The following RAD54B variants were observed in gnomAD, a reference collection of about 807,000 sequenced individuals.
The protein encoded by RAD54B is RAD54 homolog B.
In RAD54B, 78 loss-of-function variants were observed where a neutral mutation model predicts 95.8. That is an observed-to-expected ratio of 0.81 (90% CI 0.68 to 0.98). The LOEUF is 0.98. Among genes scored for constraint, RAD54B ranks in the 50% least tolerant of loss-of-function variants. RAD54B has a pLI of 0.00. For synonymous variants in RAD54B, 328 were observed against 354.9 expected, an observed-to-expected ratio of 0.92 and a Z score of 0.85; for missense variants, 957 against 1,056.6, an observed-to-expected ratio of 0.91 and a Z score of 1.31.
intron 6 of RAD54B, among the ~76,000 whole-genome samples, chr8:94,400,907 G>C (rs1298421627): frequency 6.6e-6 from 1 of 151,968 alleles, no homozygotes; most frequent in African/African-American, 2.4e-5. Context: ...AGTAAATGAA[G>C]TCCTCAACAA....
chr8:94,436,721 C>G (rs1408950061), intron 3 of RAD54B: 7 of 1,550,558 alleles, frequency 4.5e-6, no homozygotes, highest in African/African-American at 1.4e-5. Context: ...TAGTTAACTG[C>G]TATGATATCC....
At chr8:94,468,000 C>T (rs1813071850) in intron 1 of RAD54B, 1 of 153,140 alleles carries the variant, frequency 6.5e-6, no homozygotes, top group South Asian at 2.0e-4. Context: ...ATTTCTTCTT[C>T]AGAGGCCTGG....
intron 8 of RAD54B, among the ~76,000 whole-genome samples, chr8:94,394,406 A>T (rs993693842): frequency 2.4e-5 from 3 of 125,160 alleles, no homozygotes; most frequent in African/African-American, 8.8e-5. Context: ...TTAAACTCAG[A>T]ATTTTTTTTT....
At chr8:94,431,847 G>T in intron 3 of RAD54B, 1 of 1,068,174 alleles carries the variant, frequency 9.4e-7, no homozygotes. Context: ...GTTTGTATAT[G>T]CATTTGTGTA....
chr8:94,446,197 T>G (rs1812515846), intron 3 of RAD54B, among the ~76,000 whole-genome samples: 1 of 152,168 alleles, frequency 6.6e-6, no homozygotes, highest in Non-Finnish European at 1.5e-5. Flanking sequence ...AGAATAATTG[T>G]GGGGTAGGGG....
At chr8:94,416,207 T>C (rs1428939899) in intron 3 of RAD54B, among the ~76,000 whole-genome samples, 3 of 151,620 alleles carry the variant, frequency 2.0e-5, no homozygotes, top group African/African-American at 7.3e-5. Flanking sequence ...TGAGTTCATG[T>C]CCTTTGTAGG....
chr8:94,395,422 A>C (rs1811119990), intron 8 of RAD54B, among the ~76,000 whole-genome samples: 1 of 152,186 alleles, frequency 6.6e-6, no homozygotes, highest in Non-Finnish European at 1.5e-5. Flanking sequence ...TGGTCCTGAA[A>C]TCACTCTAAG....
In RAD54B at chr8:94,391,809, T is replaced by TATTTATA; in HGVS notation, c.1602_1608dup (p.Lys537TyrfsTer3). On this transcript the variant is annotated frameshift_variant, in exon 10 of 15. Coordinates refer to ENST00000336148, the MANE Select transcript of RAD54B (RefSeq NM_012415.3). LOFTEE classifies it high-confidence loss of function. Reference sequence around the variant, plus strand: ...TTCTCTATTTTAGGTGGGAGATATTTATTTATAATTTCTTGGGTTCTTCTA... The same window carrying TATTTATA: ...TTCTCTATTTTAGGTGGGAGATATTTATTTATAATTTATAATTTCTTGGGTTCTTCTA... The TATTTATA allele has an allele frequency of 1.2e-6, 2 of 1,614,000 alleles. No individual in the cohort carries two copies. The highest frequency in any genetic ancestry group is 1.7e-6 in the Non-Finnish European group (2 of 1,179,920).
rs563443786 is a variant in RAD54B at position 94,439,202 on chromosome 8, A to G, written c.304+19066T>C. 1.3e-3 allele frequency among the ~76,000 whole-genome samples: 197 copies of G among 152,314 alleles called. 2 individuals are homozygous for G. The highest frequency in any genetic ancestry group is 4.2e-3 in the Admixed American group (64 of 15,298). On this transcript the variant is annotated intron_variant, in intron 3 of 14. Coordinates refer to ENST00000336148, the MANE Select transcript of RAD54B (RefSeq NM_012415.3). Reference sequence around the variant, plus strand: ...ATGACATTTTGGATGGTGATCTGGAAGTATCTACTAATATTTTACATGAGT... The same window carrying G: ...ATGACATTTTGGATGGTGATCTGGAGGTATCTACTAATATTTTACATGAGT...
At chr8:94,428,068 C>G in intron 3 of RAD54B, 1 of 950,198 alleles carries the variant, frequency 1.1e-6, no homozygotes, top group Non-Finnish European at 1.3e-6. Context: ...TAAATCACAG[C>G]TAGTTTAGAA....
intron 3 of RAD54B, among the ~76,000 whole-genome samples, chr8:94,448,044 T>C (rs1284775904): frequency 6.6e-6 from 1 of 152,252 alleles, no homozygotes; most frequent in Non-Finnish European, 1.5e-5. Flanking sequence ...TATTTTTTTC[T>C]TTCCCTTGTG....
intron 11 of RAD54B, among the ~76,000 whole-genome samples, chr8:94,386,411 A>G (rs1451169108): frequency 1.3e-5 from 2 of 152,200 alleles, no homozygotes; most frequent in Non-Finnish European, 2.9e-5. Flanking sequence ...GGACATCAAG[A>G]TAGATTTAGA....
chr8:94,378,540 C>G (rs371934028), intron 13 of RAD54B, 28 bp downstream of exon 13: 4 of 1,551,574 alleles, frequency 2.6e-6, no homozygotes, highest in Non-Finnish European at 2.6e-6. Context: ...AAAGAGTATA[C>G]ATTTTTGTCA....
At chr8:94,434,310 TA>T (rs1226948857) in intron 3 of RAD54B, among the ~76,000 whole-genome samples, 2 of 151,732 alleles carry the variant, frequency 1.3e-5, no homozygotes, top group Non-Finnish European at 3.0e-5. Context: ...CCATTTTAGC[TA>T]AAACATTACA....
intron 2 of RAD54B, among the ~76,000 whole-genome samples, chr8:94,462,387 T>C (rs994686340): frequency 3.3e-5 from 5 of 152,220 alleles, no homozygotes; most frequent in Middle Eastern, 3.2e-3. Context: ...CCATCATTAC[T>C]TCTACTTCTA....
chr8:94,434,847 T>G (rs1812211945), intron 3 of RAD54B, among the ~76,000 whole-genome samples: 1 of 151,508 alleles, frequency 6.6e-6, no homozygotes. Flanking sequence ...AATGTACAAA[T>G]CAACTCATTT....
rs530456794 is a variant in RAD54B, at chr8:94,414,940, C to T, written c.305-3625G>A. Reference sequence around the variant, plus strand: ...CAATATTGTGAAAACGGCCATACTGCCCAAAGTAATTCATAGATTCAATGC... The same window carrying T: ...CAATATTGTGAAAACGGCCATACTGTCCAAAGTAATTCATAGATTCAATGC... On this transcript the variant is annotated intron_variant, in intron 3 of 14. Coordinates refer to ENST00000336148, the MANE Select transcript of RAD54B (RefSeq NM_012415.3). Among the ~76,000 whole-genome samples the T allele has an allele frequency of 6.6e-5, 10 of 152,290 alleles. No homozygotes were observed. The South Asian group carries it at 2.1e-3, about 32-fold the overall frequency.
At chr8:94,378,953 G>A (rs1177720431) in intron 12 of RAD54B, among the ~76,000 whole-genome samples, 3 of 152,196 alleles carry the variant, frequency 2.0e-5, no homozygotes, top group Non-Finnish European at 4.4e-5. Context: ...CATGGGCTTG[G>A]AGGTTCATTC....
chr8:94,424,269 T>G (rs1811890492), intron 3 of RAD54B, among the ~76,000 whole-genome samples: 1 of 152,208 alleles, frequency 6.6e-6, no homozygotes, highest in Admixed American at 6.5e-5. Flanking sequence ...TGACCCTATA[T>G]AAGTTACTTA....
Sources: allele counts gnomAD v4.1 joint callset (sites outside exome capture counted in the v4.1 genomes callset), GRCh38; gene constraint gnomAD v4.1.1; transcripts MANE v1.5; gene names NCBI Gene and HGNC (gene_info 2026-07-23, HGNC 2026-07-21).